Variants in NBPF20 observed in about 807,000 individuals in gnomAD.
The protein encoded by NBPF20 is NBPF family member NBPF20.
A neutral mutation model predicts 68.1 loss-of-function variants in NBPF20; 90 were observed. The observed-to-expected ratio is 1.32, with a 90% confidence interval of 1.11 to 1.58. The LOEUF is 1.58. NBPF20 is among the 40% of genes most tolerant of loss of function. The probability of loss-of-function intolerance (pLI) is 0.00; values close to 1 mark genes in which losing one functional copy is unlikely to be tolerated. For missense variants in NBPF20, 816 were observed against 601.2 expected, an observed-to-expected ratio of 1.36 and a Z score of -3.74; for synonymous variants, 290 against 228.1, an observed-to-expected ratio of 1.27 and a Z score of -2.45.
upstream of NBPF20, chr1:145,408,091 TG>T (rs1662881303): frequency 5.0e-6 from 1 of 198,476 alleles, no homozygotes; most frequent in Non-Finnish European, 1.1e-5. Flanking sequence ...GGCCTGCTGA[TG>T]GGCAAAGAAG....
intron 9 of NBPF20, among the ~76,000 whole-genome samples, chr1:145,393,466 C>T (rs1662029533): frequency 7.1e-6 from 1 of 141,122 alleles, no homozygotes; most frequent in Admixed American, 7.0e-5. Flanking sequence ...CAAACACACA[C>T]ACACACACAC....
chr1:145,410,000 G>A (rs1230864021), upstream of NBPF20, among the ~76,000 whole-genome samples: 14 of 151,908 alleles, frequency 9.2e-5, no homozygotes, highest in African/African-American at 2.9e-4. Flanking sequence ...AGGTTGGTCT[G>A]GAAACACACA....
chr1:145,402,930 C>T (rs1284925506), intron 3 of NBPF20, among the ~76,000 whole-genome samples: 2 of 151,460 alleles, frequency 1.3e-5, no homozygotes, highest in Non-Finnish European at 2.9e-5. Flanking sequence ...ATACTGAATG[C>T]TGCTGTGTGG....
chr1:145,393,800 A>G (rs1331934491), intron 9 of NBPF20, 84 bp downstream of exon 14: 63 of 1,287,844 alleles, frequency 4.9e-5, no homozygotes, highest in Non-Finnish European at 6.8e-5. Context: ...CAAAATCATT[A>G]TTTTCAGCAT....
chr1:145,397,938 G>A (rs1662338932), intron 7 of NBPF20, among the ~76,000 whole-genome samples: 1 of 152,114 alleles, frequency 6.6e-6, no homozygotes, highest in South Asian at 2.1e-4. Context: ...TGCAATCCTA[G>A]TCTCTGATAA....
At chr1:145,291,724 C>G (rs782795090) in exon 138 of NBPF20, 4 of 1,611,896 alleles carry the variant, frequency 2.5e-6, no homozygotes, top group South Asian at 1.1e-5. Context: ...CCAGTGAGTC[C>G]TGTAAGACTT....
At chr1:145,410,314 CTTCT>C (rs1417011988), upstream of NBPF20, among the ~76,000 whole-genome samples, 20 of 149,754 alleles carry the variant, frequency 1.3e-4, 1 homozygote, top group Admixed American at 4.0e-4. Context: ...ATTCATGTAT[CTTCT>C]TTTTTTTTTT....
At chr1:145,394,595 G>T (rs1425882810) in intron 8 of NBPF20, among the ~76,000 whole-genome samples, 1 of 152,024 alleles carries the variant, frequency 6.6e-6, no homozygotes, top group Admixed American at 6.5e-5. Flanking sequence ...ACACAGACAT[G>T]CTTTGGGAAC....
At chr1:145,394,183 T>G (rs1359966953) in intron 8 of NBPF20, among the ~76,000 whole-genome samples, 1 of 152,188 alleles carries the variant, frequency 6.6e-6, no homozygotes, top group Non-Finnish European at 1.5e-5. Flanking sequence ...GTCCTAGGCT[T>G]CTGTACACAA....
exon 138 of NBPF20, chr1:145,291,618 T>G (rs781933065): frequency 3.1e-6 from 5 of 1,611,856 alleles, no homozygotes; most frequent in South Asian, 1.1e-5. Context: ...AGGGCGAAGC[T>G]GATGTGCTGT....
intron 9 of NBPF20, 138 bp downstream of exon 14, chr1:145,393,746 C>T: frequency 6.6e-7 from 1 of 1,515,040 alleles, no homozygotes; most frequent in Non-Finnish European, 9.0e-7. Context: ...TAATGAGAAC[C>T]AGAAAGCAAT....
chr1:145,366,614 A>AGAG, intron 43 of NBPF20, among the ~76,000 whole-genome samples: 1 of 85,378 alleles, frequency 1.2e-5, no homozygotes, highest in East Asian at 4.6e-4. Flanking sequence ...ACACAGAGAG[A>AGAG]ACGAGCTCAG....
chr1:145,397,973 C>A (rs1662340912), intron 7 of NBPF20, among the ~76,000 whole-genome samples: 1 of 152,050 alleles, frequency 6.6e-6, no homozygotes, highest in African/African-American at 2.4e-5. Flanking sequence ...CAACCAAGAT[C>A]AAAAGAGACA....
intron 8 of NBPF20, 77 bp downstream of exon 13, chr1:145,394,901 G>C (rs1662148414): frequency 6.8e-7 from 1 of 1,471,898 alleles, no homozygotes; most frequent in Admixed American, 1.7e-5. Context: ...CCCAACAAGG[G>C]GCACAAGGCC....
In NBPF20 at chr1:145,292,361, C is replaced by A. The variant is rs782509445; in HGVS notation, c.16697+20G>T. The A allele has an allele frequency of 1.1e-4, 73 of 666,706 alleles. No homozygotes were observed. The highest frequency in any genetic ancestry group is 7.6e-4 in the South Asian group (44 of 58,254). The allele number at this position is 666,706 out of a possible 1,614,324, so 41.3% of individuals were successfully genotyped here. On this transcript the variant is annotated intron_variant, in intron 137 of 137. Coordinates refer to ENST00000369373, the Ensembl canonical transcript of NBPF20. ...CAGGTGTTAACACAGAATTAAGCATCCACAATTGCTGAAAGTCACCTGGGG... is the reference window on the plus strand; with the variant it reads ...CAGGTGTTAACACAGAATTAAGCATACACAATTGCTGAAAGTCACCTGGGG...
chr1:145,396,751 TA>T (rs1662264645), intron 7 of NBPF20, among the ~76,000 whole-genome samples: 2 of 102,582 alleles, frequency 1.9e-5, no homozygotes, highest in African/African-American at 1.2e-4. Flanking sequence ...TTTTTGTGTG[TA>T]TGTATATATA....
intron 2 of NBPF20, among the ~76,000 whole-genome samples, chr1:145,403,526 C>A (rs2101583799): frequency 6.6e-6 from 1 of 152,398 alleles, no homozygotes; most frequent in African/African-American, 2.4e-5. Flanking sequence ...AAGAGAACCT[C>A]AAGGGCACAT....
intron 7 of NBPF20, among the ~76,000 whole-genome samples, chr1:145,397,581 G>T (rs1425265637): frequency 1.3e-5 from 2 of 152,092 alleles, no homozygotes; most frequent in African/African-American, 2.4e-5. Context: ...GCTCCTAAAG[G>T]AAGCAGTAAA....
chr1:145,405,165 T>C, exon 2 of NBPF20: 1 of 1,613,658 alleles, frequency 6.2e-7, no homozygotes, highest in South Asian at 1.1e-5. Context: ...CTTTGAGGTT[T>C]CCGAACTGCT....
Sources: gnomAD v4.1 joint callset for allele counts (sites outside exome capture counted in the v4.1 genomes callset) on GRCh38, gnomAD v4.1.1 for gene constraint, MANE v1.5 for transcripts, NCBI Gene and HGNC (gene_info 2026-07-23, HGNC 2026-07-21) for gene names.